EP400: variants seen among roughly 807,000 people sequenced by gnomAD.
EP400 encodes E1A binding protein p400.
Under a neutral mutation model 354.1 loss-of-function variants are expected in EP400, and 105 were observed. The observed-to-expected ratio is 0.30, with a 90% CI of 0.25 to 0.35. The LOEUF is 0.35. Ranked by LOEUF, EP400 falls within the 10% of genes least tolerant of loss-of-function variation. The probability of loss-of-function intolerance (pLI) is 1.00; values close to 1 mark genes in which losing one functional copy is unlikely to be tolerated. For synonymous variants in EP400, 1,646 were observed against 1,716.9 expected (o/e 0.96, Z 1.02); for missense variants, 3,280 against 4,121.0 (o/e 0.80, Z 5.59).
intron 25 of EP400, among the ~76,000 whole-genome samples, chr12:132,026,461 G>T (rs1032495668): frequency 6.6e-6 from 1 of 152,190 alleles, no homozygotes; most frequent in Admixed American, 6.5e-5. Flanking sequence ...GGCTCTGTTA[G>T]TTATCAGAGG....
Position 132,018,795 on chromosome 12 carries a change from G to A in EP400, c.4277+419G>A, listed in dbSNP as rs1426805370. Among the ~76,000 whole-genome samples, 1 of 152,214 alleles carries A rather than the reference G, an allele frequency of 6.6e-6. No individual in the cohort carries two copies. The highest frequency in any genetic ancestry group is 6.5e-5 in the Admixed American group (1 of 15,286). ...ATTCTGAAGTGATGCTTTTGCGGGT[G>A]TCATGAGGCTGGGAGGGACAGACAC... On this transcript the variant is annotated intron_variant, in intron 21 of 52. Transcript: ENST00000389561. This position sits in a 1 kb window ranked among gnomAD's most constrained non-coding sequence, Gnocchi z 4.0.
In EP400 at chr12:132,050,253, GC is replaced by G; in HGVS notation, c.7201-67del. 6.3e-7 allele frequency: 1 copy of G among 1,576,438 alleles called. No homozygotes were observed. Among genetic ancestry groups the G allele is most frequent in the Non-Finnish European group, 8.7e-7 (1 of 1,155,974 alleles). On this transcript the variant is annotated intron_variant, in intron 39 of 52. Transcript: ENST00000389561. The surrounding 1 kb of genome is among the most constrained non-coding windows in gnomAD (Gnocchi z 4.8). ...TTAGCCTCAGATTCCCACCCAGTGA[GC>G]CCTGTGTCCCACGCAGCCGTCTGTC...
intron 29 of EP400, chr12:132,031,272 G>A (rs1446135793): frequency 1.9e-6 from 1 of 519,136 alleles, no homozygotes; most frequent in East Asian, 5.5e-5. Flanking sequence ...AAAGTGCTCT[G>A]GCATTGCCTG....
intron 1 of EP400, among the ~76,000 whole-genome samples, chr12:131,956,519 G>A (rs572283681): frequency 8.5e-5 from 13 of 152,130 alleles, no homozygotes; most frequent in Admixed American, 6.5e-5. Context: ...TTTTAGGTTG[G>A]TAGGTTAATT....
rs971321767 is a variant in EP400 at position 132,066,123 on chromosome 12, A to T, written c.8554-651A>T. The T allele has an allele frequency of 4.6e-5, 7 of 152,256 alleles. No homozygotes were observed. The East Asian group carries it at 5.8e-4, about 13-fold the overall frequency. 9.4% of individuals were successfully genotyped at this position (152,256 alleles called of 1,614,324 possible). On this transcript the variant is annotated intron_variant, in intron 48 of 52. Transcript: ENST00000389561. ...GTGGTTTTTTGTAAAGAGAAGAGAA[A>T]CAGATTTCAAAATATTTATAATTCA... is the stretch of plus-strand genomic sequence containing the variant.
chr12:131,953,033 C>A (rs921024811), intron 1 of EP400, among the ~76,000 whole-genome samples: 2 of 152,104 alleles, frequency 1.3e-5, no homozygotes, highest in Non-Finnish European at 2.9e-5. Flanking sequence ...TCAGAACATG[C>A]ATTCTCAGTG....
In EP400 at chr12:132,027,930, A is replaced by G. The variant is rs1045625387; in HGVS notation, c.5110-87A>G. On this transcript the variant is annotated intron_variant, in intron 26 of 52. Coordinates refer to ENST00000389561, the MANE Select transcript of EP400 (RefSeq NM_015409.5). The surrounding 1 kb of genome is among the most constrained non-coding windows in gnomAD (Gnocchi z 4.9). ...ATTGAAGTGGATCTCATATGTGGGA[A>G]ATCACGGGCTGGGTGGGGGGTTGGT... 1.4e-6 allele frequency: 2 copies of G among 1,437,226 alleles called. No individual in the cohort carries two copies. Among genetic ancestry groups the G allele is most frequent in the African/African-American group, 2.8e-5 (2 of 71,162 alleles). The allele number at this position is 1,437,226 out of a possible 1,614,324, so 89.0% of individuals were successfully genotyped here.
In EP400 at chr12:132,077,945, G is replaced by A. The variant is rs376505477; in HGVS notation, c.*272G>A. 23 of 473,630 alleles carry A rather than the reference G, an allele frequency of 4.9e-5. No individual in the cohort carries two copies. The highest frequency in any genetic ancestry group is 2.3e-4 in the African/African-American group (12 of 51,578). The allele number at this position is 473,630 out of a possible 1,614,324, so 29.3% of individuals were successfully genotyped here. On this transcript the variant is annotated 3_prime_UTR_variant, in exon 53 of 53. Transcript: ENST00000389561. ...TCATTTCACCTTTCAGTCCCCACCCGCACCCGTCCCCTAGAGCCATAGTAC... is the reference window on the plus strand; with the variant it reads ...TCATTTCACCTTTCAGTCCCCACCCACACCCGTCCCCTAGAGCCATAGTAC...
Position 132,064,720 on chromosome 12 carries a change from C to T in EP400, c.8387C>T (p.Pro2796Leu), listed in dbSNP as rs1173178152. Residue 2796 changes from proline (P) to leucine (L), a missense_variant, in exon 48 of 53, where the codon CCA becomes CTA. Transcript: ENST00000389561. ...KQKLQMPPQP[P>L]PPQAQSAPPQ... Reference sequence around the variant, plus strand: ...AAACTGCAGATGCCCCCGCAGCCCCCACCGCCACAGGCCCAGTCTGCGCCC... The same window carrying T: ...AAACTGCAGATGCCCCCGCAGCCCCTACCGCCACAGGCCCAGTCTGCGCCC... 7.4e-6 allele frequency: 12 copies of T among 1,613,614 alleles called. No individual in the cohort carries two copies. Among genetic ancestry groups the T allele is most frequent in the South Asian group, 2.2e-5 (2 of 91,068 alleles).
rs1894779166 is a variant in EP400 at position 132,038,212 on chromosome 12, C to G, written c.6207+116C>G. The G allele has an allele frequency of 7.5e-7, 1 of 1,324,508 alleles. No homozygotes were observed. Among genetic ancestry groups the G allele is most frequent in the Non-Finnish European group, 1.0e-6 (1 of 970,560 alleles). 82.0% of individuals were successfully genotyped at this position (1,324,508 alleles called of 1,614,324 possible). On this transcript the variant is annotated intron_variant, in intron 32 of 52. Transcript: ENST00000389561. The surrounding 1 kb of genome is among the most constrained non-coding windows in gnomAD (Gnocchi z 4.2). ...CCACTCTTCCCTGGCCTGAAGCCCT[C>G]TTCCCGTCCCTGCTTTTGGAACCTC...
intron 11 of EP400, among the ~76,000 whole-genome samples, chr12:131,992,771 G>A (rs1267057451): frequency 6.6e-6 from 1 of 152,226 alleles, no homozygotes; most frequent in Non-Finnish European, 1.5e-5. Context: ...GGGAGCAGGA[G>A]TAGAGAGGTT....
intron 12 of EP400, among the ~76,000 whole-genome samples, chr12:132,000,976 G>A (rs985353897): frequency 6.6e-5 from 10 of 152,132 alleles, no homozygotes; most frequent in Admixed American, 2.0e-4. Context: ...TTCTGCTGTC[G>A]TTTATGAATC....
At chr12:132,053,747 G>C in intron 43 of EP400, 150 bp downstream of exon 43, 2 of 924,934 alleles carry the variant, frequency 2.2e-6, no homozygotes, top group African/African-American at 3.5e-5. Context: ...ATGGGAAAAG[G>C]CTTAGTCTCA....
intron 51 of EP400, among the ~76,000 whole-genome samples, chr12:132,073,725 A>G (rs546624485): frequency 6.6e-6 from 1 of 152,056 alleles, no homozygotes; most frequent in African/African-American, 2.4e-5. Context: ...TGTTGGGATT[A>G]TAGGCGTGAG....
At position 132,010,027 on chromosome 12, in the gene EP400, A is replaced by G. The variant is rs913255709; in HGVS notation, c.3305-1471A>G. On this transcript the variant is annotated intron_variant, in intron 15 of 52. Transcript: ENST00000389561. ...ATTTATTTTTTAAATCTTGTTTTTCACTGGGTGTTAAAATATCATCTGGAT... is the reference window on the plus strand; with the variant it reads ...ATTTATTTTTTAAATCTTGTTTTTCGCTGGGTGTTAAAATATCATCTGGAT... 2.0e-5 allele frequency among the ~76,000 whole-genome samples: 3 copies of G among 148,436 alleles called. No individual in the cohort carries two copies. The East Asian group carries it at 5.9e-4, about 29-fold the overall frequency.
chr12:131,982,317 C>T lies in EP400; in HGVS notation c.1768C>T (p.Leu590Phe), dbSNP rs1160559106. 6.2e-7 allele frequency: 1 copy of T among 1,614,060 alleles called. No homozygotes were observed. The highest frequency in any genetic ancestry group is 1.7e-5 in the Admixed American group (1 of 60,018). The change falls in exon 5 of 53, where the codon CTC becomes TTC. Residue 590 changes from leucine to phenylalanine, a missense_variant. Leu to Phe is a conservative substitution (Grantham distance 22). Coordinates refer to ENST00000389561, the MANE Select transcript of EP400 (RefSeq NM_015409.5). ...GCAAGTGGTAGAGGCCCAGACACAG[C>T]TCCAAATCCCGGTGAAGACTCAGCA... is the stretch of plus-strand genomic sequence containing the variant. ...QPQVVEAQTQ[L>F]QIPVKTQQPN...
chr12:132,021,189 G>C lies in EP400; in HGVS notation c.4558G>C (p.Ala1520Pro). The C allele has an allele frequency of 5.6e-6, 9 of 1,600,896 alleles. No individual in the cohort carries two copies. Among genetic ancestry groups the C allele is most frequent in the Non-Finnish European group, 7.6e-6 (9 of 1,179,586 alleles). ...ASPAHPAKLR[A>P]QTTAQASTPG... is the part of the protein sequence containing the mutation. The stretch of plus-strand genomic sequence containing the variant: ...CCCGGCCCATCCTGCGAAACTGCGG[G>C]CCCAGACCACAGCACAGGCCTCCAC... Residue 1520 changes from alanine to proline, a missense_variant, in exon 23 of 53, where the codon GCC becomes CCC. By Grantham distance (27) the Ala-to-Pro change is conservative. This residue lies in a region of EP400 where 342 missense variants were observed against 342.7 expected (regional missense o/e 1.00). Transcript: ENST00000389561.
chr12:132,067,499 G>T lies in EP400; in HGVS notation c.8874+13G>T. On this transcript the variant is annotated intron_variant, in intron 50 of 52. Coordinates refer to ENST00000389561, the MANE Select transcript of EP400 (RefSeq NM_015409.5). This position sits in a 1 kb window ranked among gnomAD's most constrained non-coding sequence, Gnocchi z 5.3. ...CGTCCAGCAGAAGGTACCGGGGCTAGGGGATTCTCACTTCTGGGTCTATGC... is the reference window on the plus strand; with the variant it reads ...CGTCCAGCAGAAGGTACCGGGGCTATGGGATTCTCACTTCTGGGTCTATGC... 1 of 1,610,004 alleles carries T rather than the reference G, an allele frequency of 6.2e-7. No individual in the cohort carries two copies.
rs765400583 is a variant in EP400, at chr12:132,028,155, C to T, written c.5248C>T (p.Arg1750Cys). ...ALPSHGRVQWRGSLDGRRGKE... is the reference protein window; with the variant it reads ...ALPSHGRVQWCGSLDGRRGKE... The stretch of plus-strand genomic sequence containing the variant: ...GCCTAGCCATGGAAGGGTACAGTGG[C>T]GTGGGTCCCTGGATGGCCGTCGTGG... The change falls in exon 27 of 53, where the codon CGT (arginine) becomes TGT (cysteine). Residue 1750 changes from arginine to cysteine, a missense_variant. Transcript: ENST00000389561. 5.0e-6 allele frequency: 8 copies of T among 1,614,020 alleles called. No homozygotes were observed. The highest frequency in any genetic ancestry group is 2.7e-5 in the African/African-American group (2 of 74,898).
Sources: gnomAD v4.1 joint callset for allele counts (sites outside exome capture counted in the v4.1 genomes callset) on GRCh38, gnomAD v4.1.1 for gene constraint, gnomAD v4.1.1 regional missense constraint, Gnocchi (gnomAD v3.1) non-coding constraint, MANE v1.5 for transcripts, NCBI Gene and HGNC (gene_info 2026-07-23, HGNC 2026-07-21) for gene names.